Variants in MRGPRX3 observed in about 807,000 individuals in gnomAD.
MRGPRX3 encodes the protein MAS related GPR family member X3.
A neutral mutation model predicts 16.5 loss-of-function variants in MRGPRX3; 14 were observed. That is an observed-to-expected ratio of 0.85 (90% CI 0.56 to 1.33). The LOEUF is 1.33. MRGPRX3 is among the 40% of genes most tolerant of loss of function. MRGPRX3 has a pLI of 0.00. For synonymous variants in MRGPRX3, 199 were observed against 180.1 expected, an observed-to-expected ratio of 1.10 and a Z score of -0.84; for missense variants, 449 against 413.0, an observed-to-expected ratio of 1.09 and a Z score of -0.76.
At chr11:18,131,966 C>T (rs1848964723), upstream of MRGPRX3, among the ~76,000 whole-genome samples, 1 of 152,096 alleles carries the variant, frequency 6.6e-6, no homozygotes, top group African/African-American at 2.4e-5. Context: ...GTACACTGCT[C>T]AGGTGATGGG....
At chr11:18,137,081 C>G (rs1035499263) in intron 1 of MRGPRX3, 97 bp from the exon 2 acceptor site, 49 of 1,264,320 alleles carry the variant, frequency 3.9e-5, no homozygotes, top group Admixed American at 4.6e-5. Flanking sequence ...TCTCTGATCT[C>G]TCCTCTTTAA....
chr11:18,134,758 C>T (rs557635961), intron 1 of MRGPRX3, among the ~76,000 whole-genome samples: 7 of 152,202 alleles, frequency 4.6e-5, no homozygotes, highest in South Asian at 2.1e-4. Flanking sequence ...GGAAAAAGGA[C>T]GAGGGGAAGG....
At chr11:18,124,060 T>A (rs993638652) in intron 1 of MRGPRX3, among the ~76,000 whole-genome samples, 1 of 152,168 alleles carries the variant, frequency 6.6e-6, no homozygotes, top group Non-Finnish European at 1.5e-5. Flanking sequence ...CTTTGCTGAA[T>A]TTGCTTATCA....
Position 18,138,087 on chromosome 11 carries a change from G to T in MRGPRX3, c.885G>T (p.Leu295=), listed in dbSNP as rs768690835. Residue 295 remains leucine (L), a synonymous_variant, in exon 2 of 2, where the codon CTG becomes CTT. Transcript: ENST00000621697. ...QNLKLVLQRA[L]QDTPEVDEGG... is the part of the protein sequence containing the mutation. ...TGAAGCTGGTTCTCCAGAGGGCTCT[G>T]CAGGACACGCCTGAGGTGGATGAAG... 4 of 1,614,072 alleles carry T rather than the reference G, an allele frequency of 2.5e-6. No homozygotes were observed. The African/African-American group carries it at 5.3e-5, about 22-fold the overall frequency.
chr11:18,137,733 T>C lies in MRGPRX3; in HGVS notation c.531T>C (p.Asp177=). Reference sequence around the variant, plus strand: ...ATTCTGTTTGGTGTGAAACGTCAGATTTCATTACAATCGCGTGGCTGGTTT... The same window carrying C: ...ATTCTGTTTGGTGTGAAACGTCAGACTTCATTACAATCGCGTGGCTGGTTT... The part of the protein sequence containing the change: ...GANSVWCETS[D]FITIAWLVFL... The change falls in exon 2 of 2, where the codon GAT becomes GAC. Residue 177 remains aspartate (D), a synonymous_variant. Transcript: ENST00000621697. 1 of 1,614,096 alleles carries C rather than the reference T, an allele frequency of 6.2e-7. No individual in the cohort carries two copies. The highest frequency in any genetic ancestry group is 8.5e-7 in the Non-Finnish European group (1 of 1,180,024).
At position 18,138,078 on chromosome 11, in the gene MRGPRX3, G is replaced by C. The variant is rs1210946462; in HGVS notation, c.876G>C (p.Gln292His). Residue 292 changes from glutamine (Q) to histidine (H), a missense_variant, in exon 2 of 2, where the codon CAG (glutamine) becomes CAC (histidine). Transcript: ENST00000621697. ...QNRQNLKLVLQRALQDTPEVD... is the reference protein window; with the variant it reads ...QNRQNLKLVLHRALQDTPEVD... ...GGCAGAACCTGAAGCTGGTTCTCCA[G>C]AGGGCTCTGCAGGACACGCCTGAGG... 1.2e-6 allele frequency: 2 copies of C among 1,614,114 alleles called. No homozygotes were observed. The highest frequency in any genetic ancestry group is 1.3e-5 in the African/African-American group (1 of 74,930).
chr11:18,131,126 A>G (rs1848956857), upstream of MRGPRX3, among the ~76,000 whole-genome samples: 1 of 152,232 alleles, frequency 6.6e-6, no homozygotes, highest in Non-Finnish European at 1.5e-5. Context: ...TCACTTAGGC[A>G]AAGACTTCAT....
intron 1 of MRGPRX3, among the ~76,000 whole-genome samples, chr11:18,127,462 G>A (rs1338440880): frequency 6.6e-6 from 1 of 152,170 alleles, no homozygotes; most frequent in African/African-American, 2.4e-5. Flanking sequence ...TGGAGGCTTT[G>A]TTCCTTTCTT....
At chr11:18,121,815 A>G (rs1466999218) in intron 1 of MRGPRX3, among the ~76,000 whole-genome samples, 3 of 152,086 alleles carry the variant, frequency 2.0e-5, no homozygotes, top group Non-Finnish European at 2.9e-5. Context: ...GCTCGTTAAG[A>G]GTCATCACCA....
At chr11:18,122,020 AAAAAAAG>A (rs1247900793) in intron 1 of MRGPRX3, among the ~76,000 whole-genome samples, 9 of 28,434 alleles carry the variant, frequency 3.2e-4, no homozygotes, top group Admixed American at 2.7e-3. Flanking sequence ...AAAAAAAAAG[AAAAAAAG>A]AAAAAAAAAA....
rs1448483586 is a variant in MRGPRX3 at position 18,126,135 on chromosome 11, A to T, written c.-152+4971A>T. ...GAATATAGCACACTGATGGGTCTTGACTCTTTATCCAATTTGCCAGTCTGT... is the reference window on the plus strand; with the variant it reads ...GAATATAGCACACTGATGGGTCTTGTCTCTTTATCCAATTTGCCAGTCTGT... On this transcript the variant is annotated intron_variant, in intron 1 of 2. Transcript: ENST00000396275. Among the ~76,000 whole-genome samples the T allele has an allele frequency of 2.6e-5, 4 of 151,940 alleles. No individual in the cohort carries two copies. In the South Asian group the frequency reaches 6.2e-4, roughly 24 times the overall value.
chr11:18,133,815 G>A (rs1848983854), intron 1 of MRGPRX3, among the ~76,000 whole-genome samples: 1 of 152,170 alleles, frequency 6.6e-6, no homozygotes. Context: ...CAGACAGAGA[G>A]CCAGGAGATG....
chr11:18,130,677 A>G (rs957898000), upstream of MRGPRX3, among the ~76,000 whole-genome samples: 3 of 139,842 alleles, frequency 2.1e-5, no homozygotes, highest in African/African-American at 7.7e-5. Context: ...CAATTCTAAA[A>G]TTCATATGGA....
intron 1 of MRGPRX3, among the ~76,000 whole-genome samples, chr11:18,125,336 A>G (rs1186412933): frequency 6.6e-6 from 1 of 151,672 alleles, no homozygotes; most frequent in East Asian, 1.9e-4. Flanking sequence ...AGTGCTATAA[A>G]TTTCCCTCTA....
At chr11:18,125,759 T>C (rs1052476189) in intron 1 of MRGPRX3, among the ~76,000 whole-genome samples, 2 of 152,154 alleles carry the variant, frequency 1.3e-5, no homozygotes, top group Non-Finnish European at 2.9e-5. Flanking sequence ...TTTTCTGTCT[T>C]GTTGATCTAT....
intron 1 of MRGPRX3, among the ~76,000 whole-genome samples, chr11:18,121,486 C>G (rs996544328): frequency 6.6e-6 from 1 of 152,228 alleles, no homozygotes; most frequent in Non-Finnish European, 1.5e-5. Context: ...CCAGCCGCCC[C>G]GTCTGGGAGG....
At chr11:18,126,960 A>G (rs1848904331) in intron 1 of MRGPRX3, among the ~76,000 whole-genome samples, 2 of 152,220 alleles carry the variant, frequency 1.3e-5, no homozygotes, top group Admixed American at 1.3e-4. Flanking sequence ...ATATGTGTGC[A>G]TGTGTCTTTA....
chr11:18,128,588 T>C (rs964643385), upstream of MRGPRX3, among the ~76,000 whole-genome samples: 16 of 152,204 alleles, frequency 1.1e-4, no homozygotes, highest in Non-Finnish European at 2.2e-4. Context: ...AGGCACAGGA[T>C]ACAATCTCCT....
At position 18,138,034 on chromosome 11, in the gene MRGPRX3, T is replaced by C; in HGVS notation, c.832T>C (p.Phe278Leu). The C allele has an allele frequency of 1.2e-6, 2 of 1,614,184 alleles. No individual in the cohort carries two copies. Among genetic ancestry groups the C allele is most frequent in the South Asian group, 1.1e-5 (1 of 91,078 alleles). Reference sequence around the variant, plus strand: ...CATCATTTACTTCTTCGTGGGCTCCTTTAGGCAGCGTCAAAATAGGCAGAA... The same window carrying C: ...CATCATTTACTTCTTCGTGGGCTCCCTTAGGCAGCGTCAAAATAGGCAGAA... ...NPIIYFFVGS[F>L]RQRQNRQNLK... Residue 278 changes from phenylalanine to leucine, a missense_variant, in exon 2 of 2, where the codon TTT becomes CTT. Coordinates refer to ENST00000621697, the MANE Select transcript of MRGPRX3 (RefSeq NM_001370464.1).
Sources: allele counts gnomAD v4.1 joint callset (sites outside exome capture counted in the v4.1 genomes callset), GRCh38; gene constraint gnomAD v4.1.1; transcripts MANE v1.5; gene names NCBI Gene and HGNC (gene_info 2026-07-23, HGNC 2026-07-21).